HSD17B7: variants seen among roughly 807,000 people sequenced by gnomAD.
HSD17B7 encodes the protein hydroxysteroid 17-beta dehydrogenase 7.
A neutral mutation model predicts 34.1 loss-of-function variants in HSD17B7; 17 were observed. That is an observed-to-expected ratio of 0.50 (90% CI 0.34 to 0.75). The LOEUF (loss-of-function observed/expected upper bound fraction) is 0.75. HSD17B7 is among the 30% of genes least tolerant of loss of function. The probability of loss-of-function intolerance (pLI) is 0.01; values close to 1 mark genes in which losing one functional copy is unlikely to be tolerated. For missense variants in HSD17B7, 296 were observed against 406.6 expected, an observed-to-expected ratio of 0.73 and a Z score of 2.34; for synonymous variants, 122 against 154.6, an observed-to-expected ratio of 0.79 and a Z score of 1.56.
chr1:162,801,010 C>T (rs1437827484), intron 5 of HSD17B7, among the ~76,000 whole-genome samples: 1 of 152,016 alleles, frequency 6.6e-6, no homozygotes, highest in East Asian at 1.9e-4. Context: ...GACAGAGTCT[C>T]ATTCTGTTGC....
intron 1 of HSD17B7, among the ~76,000 whole-genome samples, chr1:162,792,053 C>T (rs1247517501): frequency 6.6e-6 from 1 of 152,094 alleles, no homozygotes; most frequent in Non-Finnish European, 1.5e-5. Flanking sequence ...TGTATTCCTA[C>T]CTTCTACTTA....
intron 4 of HSD17B7, chr1:162,798,892 G>A (rs1648711865): frequency 1.1e-5 from 3 of 280,132 alleles, no homozygotes; most frequent in Non-Finnish European, 2.3e-5. Flanking sequence ...TGCTTGGGAG[G>A]CTGAGGCAGA....
intron 1 of HSD17B7, among the ~76,000 whole-genome samples, chr1:162,791,673 C>G (rs1648411173): frequency 6.7e-6 from 1 of 149,286 alleles, no homozygotes; most frequent in African/African-American, 2.5e-5. Flanking sequence ...GTGACTTTAA[C>G]CGTTGATTGG....
chr1:162,799,921 G>A lies in HSD17B7; in HGVS notation c.626G>A (p.Arg209Lys), dbSNP rs1648749229. The A allele has an allele frequency of 6.2e-7, 1 of 1,614,044 alleles. No homozygotes were observed. The change falls in exon 5 of 9, where the codon AGG (arginine) becomes AAG (lysine). Residue 209 changes from arginine to lysine, a missense_variant. Arg to Lys is a conservative substitution (Grantham distance 26). Transcript: ENST00000254521. ...ATDLLSVALNRNFNQQGLYSN... is the reference protein window; with the variant it reads ...ATDLLSVALNKNFNQQGLYSN... ...GACCTTTTGAGTGTGGCTTTGAACA[G>A]GAACTTCAACCAGCAGGTAAGGCCT...
chr1:162,801,693 C>T (rs1302529632), intron 5 of HSD17B7, among the ~76,000 whole-genome samples: 2 of 152,056 alleles, frequency 1.3e-5, no homozygotes, highest in East Asian at 1.9e-4. Flanking sequence ...GCTGCACATG[C>T]GTGTACATGT....
chr1:162,811,607 A>C (rs570745695), intron 8 of HSD17B7, among the ~76,000 whole-genome samples: 6 of 152,216 alleles, frequency 3.9e-5, no homozygotes, highest in Admixed American at 2.0e-4. Context: ...AATTTCTTGC[A>C]TGTAAAAGCA....
chr1:162,812,216 A>G, intron 8 of HSD17B7, 82 bp from the exon 9 acceptor site: 1 of 1,483,992 alleles, frequency 6.7e-7, no homozygotes, highest in Non-Finnish European at 9.0e-7. Context: ...TTTATTTCAT[A>G]TATTGAATGC....
In HSD17B7 at chr1:162,799,848, C is replaced by T. The variant is rs1177656238; in HGVS notation, c.553C>T (p.Gln185Ter). ...RKSNFSLEDFQHSKGKEPYSS... is the reference protein window; with the variant it reads ...RKSNFSLEDF ...ATCTAATTTCAGCCTCGAGGACTTCCAGCACAGCAAAGGCAAGGAACCCTA... is the reference window on the plus strand; with the variant it reads ...ATCTAATTTCAGCCTCGAGGACTTCTAGCACAGCAAAGGCAAGGAACCCTA... The change falls in exon 5 of 9, where the codon CAG becomes TAG. Residue 185 changes from glutamine to a stop codon, truncating the protein, a stop_gained. Transcript: ENST00000254521. LOFTEE classifies it high-confidence loss of function. The T allele has an allele frequency of 6.2e-7, 1 of 1,614,032 alleles. No homozygotes were observed. The highest frequency in any genetic ancestry group is 1.7e-5 in the Admixed American group (1 of 60,016).
At chr1:162,791,994 T>G (rs919257364) in intron 1 of HSD17B7, among the ~76,000 whole-genome samples, 1 of 152,194 alleles carries the variant, frequency 6.6e-6, no homozygotes, top group Non-Finnish European at 1.5e-5. Context: ...TTTACAATGC[T>G]GGTTTTGAAG....
chr1:162,794,113 A>C (rs1648515097), intron 2 of HSD17B7, among the ~76,000 whole-genome samples: 1 of 152,190 alleles, frequency 6.6e-6, no homozygotes, highest in Admixed American at 6.5e-5. Context: ...TTTATGATGA[A>C]AAAAGTCCAA....
At chr1:162,806,371 G>A (rs1648981763) in intron 8 of HSD17B7, among the ~76,000 whole-genome samples, 1 of 152,146 alleles carries the variant, frequency 6.6e-6, no homozygotes, top group Admixed American at 6.5e-5. Flanking sequence ...GGCTTCCTGT[G>A]CTATCTGTTC....
At chr1:162,801,677 A>G (rs1648821505) in intron 5 of HSD17B7, among the ~76,000 whole-genome samples, 2 of 152,156 alleles carry the variant, frequency 1.3e-5, no homozygotes, top group Admixed American at 1.3e-4. Context: ...GTGTCAGTGC[A>G]TGTGGGCTGC....
intron 8 of HSD17B7, among the ~76,000 whole-genome samples, chr1:162,809,699 G>T (rs990474377): frequency 1.1e-4 from 17 of 152,086 alleles, no homozygotes; most frequent in Non-Finnish European, 1.9e-4. Context: ...TCTTGGGAGG[G>T]TGTAAGTGTC....
chr1:162,802,497 T>A (rs1015575327), intron 5 of HSD17B7, among the ~76,000 whole-genome samples: 1 of 152,172 alleles, frequency 6.6e-6, no homozygotes, highest in African/African-American at 2.4e-5. Context: ...GGTTGATCCA[T>A]GTCAGGCAGT....
intron 8 of HSD17B7, among the ~76,000 whole-genome samples, chr1:162,809,003 A>G (rs1400897387): frequency 1.3e-5 from 2 of 152,174 alleles, no homozygotes; most frequent in African/African-American, 2.4e-5. Context: ...TTCCAACACT[A>G]TGTTGAATAG....
intron 8 of HSD17B7, among the ~76,000 whole-genome samples, chr1:162,807,126 C>T (rs1381860425): frequency 2.0e-5 from 3 of 152,136 alleles, no homozygotes; most frequent in African/African-American, 7.2e-5. Context: ...CTCCCCTCTA[C>T]ACCCACCCCA....
intron 1 of HSD17B7, among the ~76,000 whole-genome samples, chr1:162,792,352 A>G (rs1343440925): frequency 6.6e-6 from 1 of 152,262 alleles, no homozygotes; most frequent in Non-Finnish European, 1.5e-5. Context: ...TAATAGGTAC[A>G]AAATGAAAAC....
chr1:162,804,930 T>C (rs1416520723), intron 7 of HSD17B7, among the ~76,000 whole-genome samples: 1 of 152,240 alleles, frequency 6.6e-6, no homozygotes, highest in Non-Finnish European at 1.5e-5. Flanking sequence ...AGAGGCAGCC[T>C]CTGCTAACGG....
chr1:162,800,858 C>T (rs1342103998), intron 5 of HSD17B7, among the ~76,000 whole-genome samples: 3 of 152,180 alleles, frequency 2.0e-5, no homozygotes, highest in African/African-American at 4.8e-5. Context: ...TTTACCTCAA[C>T]GGAGCTTCTT....
Sources: gnomAD v4.1 joint callset for allele counts (sites outside exome capture counted in the v4.1 genomes callset) on GRCh38, gnomAD v4.1.1 for gene constraint, MANE v1.5 for transcripts, NCBI Gene and HGNC (gene_info 2026-07-23, HGNC 2026-07-21) for gene names.